Variants in SNX4 observed in about 807,000 individuals in gnomAD.
SNX4 encodes sorting nexin 4.
SNX4 carries 49 observed loss-of-function variants against 70.8 expected under a neutral mutation model. That is an observed-to-expected ratio of 0.69 (90% confidence interval 0.55 to 0.88). The LOEUF (loss-of-function observed/expected upper bound fraction) is 0.88. SNX4 is among the 40% of genes least tolerant of loss of function. SNX4 has a pLI of 0.00. For synonymous variants in SNX4, 206 were observed against 183.8 expected (o/e 1.12, Z -0.98); for missense variants, 528 against 544.8 (o/e 0.97, Z 0.31).
At chr3:125,477,343 G>A (rs1159560685) in intron 7 of SNX4, among the ~76,000 whole-genome samples, 2 of 152,078 alleles carry the variant, frequency 1.3e-5, no homozygotes, top group Admixed American at 6.5e-5. Flanking sequence ...CCTAACCAAC[G>A]AACACATTAT....
Position 125,497,419 on chromosome 3 carries a change from T to G in SNX4, c.550-31A>C, listed in dbSNP as rs1183791468. The G allele has an allele frequency of 2.3e-6, 3 of 1,322,102 alleles. No homozygotes were observed. The African/African-American group carries it at 4.3e-5, about 19-fold the overall frequency. The allele number at this position is 1,322,102 out of a possible 1,614,324, so 81.9% of individuals were successfully genotyped here. On this transcript the variant is annotated intron_variant, in intron 4 of 13. Coordinates refer to ENST00000251775, the MANE Select transcript of SNX4 (RefSeq NM_003794.4). ...AATTGAAGTTAATTTTAGAAATCAT[T>G]ATTGCAAAGCAAATATTCCAAATTA... is the stretch of plus-strand genomic sequence containing the variant.
intron 9 of SNX4, among the ~76,000 whole-genome samples, chr3:125,465,869 C>T (rs968880796): frequency 2.6e-5 from 4 of 152,178 alleles, no homozygotes; most frequent in Non-Finnish European, 5.9e-5. Flanking sequence ...TCTCAAACTC[C>T]TGACCTTAAG....
At chr3:125,463,666 G>T (rs1292962117) in intron 9 of SNX4, among the ~76,000 whole-genome samples, 1 of 152,060 alleles carries the variant, frequency 6.6e-6, no homozygotes, top group African/African-American at 2.4e-5. Flanking sequence ...TAGCTTTAAA[G>T]TATAATTAAA....
intron 12 of SNX4, among the ~76,000 whole-genome samples, chr3:125,453,387 A>T (rs1933626347): frequency 6.6e-6 from 1 of 152,170 alleles, no homozygotes; most frequent in African/African-American, 2.4e-5. Flanking sequence ...AGAAATCAGG[A>T]ATAGTGCAGG....
intron 9 of SNX4, among the ~76,000 whole-genome samples, chr3:125,468,659 A>T (rs1367835052): frequency 6.6e-6 from 1 of 152,210 alleles, no homozygotes; most frequent in Non-Finnish European, 1.5e-5. Context: ...CGACCTGGGC[A>T]ACATAGCAAC....
intron 2 of SNX4, among the ~76,000 whole-genome samples, chr3:125,499,979 G>A (rs994512081): frequency 3.9e-5 from 6 of 151,928 alleles, no homozygotes; most frequent in Non-Finnish European, 8.8e-5. Flanking sequence ...AGAATTGCTT[G>A]AACCCGGGAG....
At chr3:125,448,099 G>A (rs76426915) in intron 13 of SNX4, among the ~76,000 whole-genome samples, 16,685 of 151,544 alleles carry the variant, frequency 0.11, 960 homozygotes, top group African/African-American at 0.14. Context: ...TCACATACTC[G>A]AGTAATTTCT....
intron 4 of SNX4, 82 bp downstream of exon 4, chr3:125,497,752 C>A: frequency 4.4e-6 from 4 of 916,536 alleles, no homozygotes; most frequent in South Asian, 4.0e-5. Flanking sequence ...ATGAAAAGAT[C>A]CTTAAAATAA....
intron 6 of SNX4, among the ~76,000 whole-genome samples, chr3:125,482,472 G>T (rs1934434251): frequency 1.3e-5 from 2 of 151,772 alleles, no homozygotes; most frequent in Non-Finnish European, 2.9e-5. Context: ...CTTTTCTCTG[G>T]TCTCTCTGCC....
intron 5 of SNX4, among the ~76,000 whole-genome samples, chr3:125,489,754 G>A (rs574925374): frequency 2.0e-5 from 3 of 152,152 alleles, no homozygotes; most frequent in South Asian, 2.1e-4. Context: ...ATTAGAATTC[G>A]GAAGAGGTCA....
intron 9 of SNX4, among the ~76,000 whole-genome samples, chr3:125,467,281 G>A (rs1197535738): frequency 6.6e-6 from 1 of 151,886 alleles, no homozygotes; most frequent in Non-Finnish European, 1.5e-5. Flanking sequence ...CAGCTACTCG[G>A]GAGGCTGAGT....
chr3:125,487,642 C>T (rs1934560526), intron 6 of SNX4, among the ~76,000 whole-genome samples: 1 of 151,654 alleles, frequency 6.6e-6, no homozygotes, highest in African/African-American at 2.4e-5. Context: ...GAGAACACCT[C>T]TTATATACCA....
Position 125,480,296 on chromosome 3 carries a change from T to C in SNX4, c.677A>G (p.Tyr226Cys), listed in dbSNP as rs559488942. The C allele has an allele frequency of 4.0e-5, 63 of 1,564,102 alleles. No homozygotes were observed. Among genetic ancestry groups the C allele is most frequent in the Non-Finnish European group, 4.9e-5 (57 of 1,151,716 alleles). The change falls in exon 7 of 14, where the codon TAT (tyrosine) becomes TGT (cysteine). Residue 226 changes from tyrosine (Y) to cysteine (C), a missense_variant. Tyr to Cys is a radical substitution (Grantham distance 194). This residue lies in a region of SNX4 where 341 missense variants were observed against 312.2 expected (regional missense o/e 1.09). Transcript: ENST00000251775. ...PDKRFTDLKH[Y>C]SDELQSVISH... ...GATGACAGACTGCAGTTCATCACTA[T>C]AGTGCTTAAGGTCAGTAAATCTCCT... is the stretch of plus-strand genomic sequence containing the variant.
chr3:125,471,374 T>C (rs577779490), intron 8 of SNX4, among the ~76,000 whole-genome samples: 231 of 80,172 alleles, frequency 2.9e-3, no homozygotes, highest in African/African-American at 0.014. Flanking sequence ...AAAAAAAAGC[T>C]TTTCACCACT....
chr3:125,465,289 AGGC>A (rs755038976), intron 9 of SNX4, among the ~76,000 whole-genome samples: 12 of 150,836 alleles, frequency 8.0e-5, no homozygotes, highest in Non-Finnish European at 1.8e-4. Flanking sequence ...CTTGTCACCC[AGGC>A]TGGAGTGCAA....
intron 8 of SNX4, 112 bp downstream of exon 8, chr3:125,476,583 A>C (rs1261913758): frequency 1.4e-5 from 10 of 724,394 alleles, no homozygotes; most frequent in Non-Finnish European, 2.4e-5. Flanking sequence ...AAACAAAAAC[A>C]AACAAAAAAA....
At chr3:125,517,713 T>C (rs1469848873) in intron 1 of SNX4, among the ~76,000 whole-genome samples, 8 of 152,180 alleles carry the variant, frequency 5.3e-5, no homozygotes, top group African/African-American at 1.7e-4. Context: ...CAGTGGCTCA[T>C]GTCTGTAATC....
intron 10 of SNX4, among the ~76,000 whole-genome samples, chr3:125,458,777 T>C (rs1486979742): frequency 8.1e-6 from 1 of 123,334 alleles, no homozygotes; most frequent in Non-Finnish European, 1.6e-5. Context: ...ATCACGCCAC[T>C]GCACTCCAGC....
In SNX4 at chr3:125,498,110, G is replaced by GTAGC. The variant is rs748993270; in HGVS notation, c.344_347dup (p.Tyr116Ter). The GTAGC allele has an allele frequency of 6.2e-7, 1 of 1,614,112 alleles. No homozygotes were observed. Among genetic ancestry groups the GTAGC allele is most frequent in the South Asian group, 1.1e-5 (1 of 91,078 alleles). On this transcript the variant is annotated stop_gained and frameshift_variant, in exon 3 of 14. Coordinates refer to ENST00000251775, the MANE Select transcript of SNX4 (RefSeq NM_003794.4). LOFTEE classifies it high-confidence loss of function. ...CAATATGTGGATAGTAAACTAAAAG[G>GTAGC]TAGCTTCTCAACAACTCAAATTCAC... is the stretch of plus-strand genomic sequence containing the variant.
Sources: gnomAD v4.1 joint callset for allele counts (sites outside exome capture counted in the v4.1 genomes callset) on GRCh38, gnomAD v4.1.1 for gene constraint, gnomAD v4.1.1 regional missense constraint, MANE v1.5 for transcripts, NCBI Gene and HGNC (gene_info 2026-07-23, HGNC 2026-07-21) for gene names.